Variants in TBC1D31 observed in about 807,000 individuals in gnomAD.
TBC1D31 encodes TBC1 domain family member 31.
In TBC1D31, 99 loss-of-function variants were observed where a neutral mutation model predicts 132.9. That is an observed-to-expected ratio of 0.74 (90% CI 0.63 to 0.88). TBC1D31 has a LOEUF of 0.88. Among genes scored for constraint, TBC1D31 ranks in the 40% least tolerant of loss-of-function variants. The pLI, the probability that TBC1D31 is intolerant of heterozygous loss-of-function variation, is 0.00. For missense variants in TBC1D31, 1,134 were observed against 1,256.6 expected (o/e 0.90, Z 1.48); for synonymous variants, 385 against 419.4 (o/e 0.92, Z 1.00).
At chr8:123,145,337 T>C (rs1426180713) in intron 20 of TBC1D31, among the ~76,000 whole-genome samples, 1 of 152,196 alleles carries the variant, frequency 6.6e-6, no homozygotes, top group African/African-American at 2.4e-5. Context: ...GAGGTGGGAC[T>C]ATTACAGAAA....
At chr8:123,161,656 C>T in the TBC1D31 span, among the ~76,000 whole-genome samples, 2 of 152,064 alleles carry the variant, frequency 1.3e-5, no homozygotes, top group Non-Finnish European at 2.9e-5. Flanking sequence ...TTGCAAAAGA[C>T]GTAATTACCA....
intron 8 of TBC1D31, among the ~76,000 whole-genome samples, 169 bp from the exon 9 acceptor site, chr8:123,109,148 T>C (rs912921614): frequency 1.3e-5 from 2 of 152,156 alleles, no homozygotes; most frequent in Admixed American, 6.5e-5. Flanking sequence ...TGTATATGCA[T>C]GCTCAAGAGA....
intron 4 of TBC1D31, among the ~76,000 whole-genome samples, chr8:123,091,856 A>G (rs1212570431): frequency 6.6e-6 from 1 of 152,218 alleles, no homozygotes; most frequent in African/African-American, 2.4e-5. Flanking sequence ...AAGTGATGAC[A>G]TTTTCAACTT....
At chr8:123,158,840 G>A in the TBC1D31 span, among the ~76,000 whole-genome samples, 3 of 152,092 alleles carry the variant, frequency 2.0e-5, no homozygotes, top group Admixed American at 6.5e-5. Flanking sequence ...TGGCCGAGGG[G>A]CGAGGAAGGA....
chr8:123,137,744 G>A (rs1821239999), intron 17 of TBC1D31, among the ~76,000 whole-genome samples: 2 of 152,174 alleles, frequency 1.3e-5, no homozygotes, highest in South Asian at 4.1e-4. Context: ...CCATCATTTA[G>A]CAGAAACCAG....
chr8:123,157,932 A>G, the TBC1D31 span, among the ~76,000 whole-genome samples: 1 of 151,844 alleles, frequency 6.6e-6, no homozygotes, highest in Non-Finnish European at 1.5e-5. Flanking sequence ...TTCTGACTGC[A>G]AGACTGCAGG....
chr8:123,136,331 T>G (rs1270654662), intron 17 of TBC1D31, among the ~76,000 whole-genome samples: 1 of 152,228 alleles, frequency 6.6e-6, no homozygotes, highest in Non-Finnish European at 1.5e-5. Context: ...TGATATTTTT[T>G]GAAGCATGTA....
At chr8:123,085,433 TTTTG>T (rs149004610) in intron 4 of TBC1D31, among the ~76,000 whole-genome samples, 2 of 149,330 alleles carry the variant, frequency 1.3e-5, no homozygotes, top group South Asian at 2.1e-4. Context: ...CTCAGCATAA[TTTTG>T]TTTGTTTGTT....
At chr8:123,116,674 A>G (rs1818944776) in intron 10 of TBC1D31, among the ~76,000 whole-genome samples, 1 of 152,148 alleles carries the variant, frequency 6.6e-6, no homozygotes, top group Non-Finnish European at 1.5e-5. Flanking sequence ...GGGAAAATAC[A>G]AGATGAACCT....
rs369621325 is a variant in TBC1D31 at position 123,126,546 on chromosome 8, A to G, written c.1743A>G (p.Glu581=). The stretch of plus-strand genomic sequence containing the variant: ...CTCTTCTTGAAACTGTGTTCTCAGA[A>G]GTGCTGACAAGAGAGGAGTGGCTGA... ...AWPLLETVFS[E]VLTREEWLKL... The change falls in exon 13 of 22, where the codon GAA becomes GAG. Residue 581 remains glutamate, a synonymous_variant. Coordinates refer to ENST00000287380, the MANE Select transcript of TBC1D31 (RefSeq NM_145647.4). The G allele has an allele frequency of 9.9e-5, 159 of 1,613,978 alleles. No individual in the cohort carries two copies. In the Middle Eastern group the frequency reaches 1.2e-3, roughly 12 times the overall value.
At position 123,130,349 on chromosome 8, in the gene TBC1D31, C is replaced by CCTCA; in HGVS notation, c.2406+16_2406+17insCTCA. Reference sequence around the variant, plus strand: ...TGGGAGAAAGGTTTATTATTCTTAACTTAGTTCTCATACATCATCTCCATT... The same window carrying CCTCA: ...TGGGAGAAAGGTTTATTATTCTTAACCTCATTAGTTCTCATACATCATCTCCATT... On this transcript the variant is annotated intron_variant, in intron 16 of 21. Transcript: ENST00000287380. 4.4e-6 allele frequency: 7 copies of CCTCA among 1,600,660 alleles called. No homozygotes were observed. The highest frequency in any genetic ancestry group is 6.0e-6 in the Non-Finnish European group (7 of 1,173,256).
intron 8 of TBC1D31, among the ~76,000 whole-genome samples, chr8:123,106,779 T>A (rs1481381191): frequency 6.6e-6 from 1 of 152,230 alleles, no homozygotes; most frequent in Non-Finnish European, 1.5e-5. Context: ...TTAGGTTTGA[T>A]GATTTATTAG....
At chr8:123,118,289 C>G (rs1282631310) in intron 10 of TBC1D31, among the ~76,000 whole-genome samples, 1 of 152,146 alleles carries the variant, frequency 6.6e-6, no homozygotes, top group Non-Finnish European at 1.5e-5. Flanking sequence ...TTTCTTAGTA[C>G]TGATCATTGT....
At chr8:123,121,133 G>T (rs116800671) in intron 11 of TBC1D31, among the ~76,000 whole-genome samples, 2,083 of 151,436 alleles carry the variant, frequency 0.014, 42 homozygotes, top group African/African-American at 0.048. Flanking sequence ...TTTTTGTATT[G>T]TTTTAGTAGA....
At chr8:123,075,846 G>C (rs1299557337) in intron 1 of TBC1D31, among the ~76,000 whole-genome samples, 1 of 152,092 alleles carries the variant, frequency 6.6e-6, no homozygotes, top group Non-Finnish European at 1.5e-5. Context: ...TTATTTTAAG[G>C]AGTTATTTTG....
rs1822025706 is a variant in TBC1D31 at position 123,144,781 on chromosome 8, A to T, written c.2900A>T (p.Asp967Val). ...GCAAAGAAAGCTTCTGCTCTTTCAG[A>T]TGCGTCTAGAAAGTGGTTTTTAAAG... is the stretch of plus-strand genomic sequence containing the variant. ...RSAKKASALSDASRKWFLKQE... is the reference protein window; with the variant it reads ...RSAKKASALSVASRKWFLKQE... Residue 967 changes from aspartate (D) to valine (V), a missense_variant, in exon 20 of 22, where the codon GAT becomes GTT. Asp to Val is a radical substitution (Grantham distance 152). Coordinates refer to ENST00000287380, the MANE Select transcript of TBC1D31 (RefSeq NM_145647.4). The T allele has an allele frequency of 6.2e-7, 1 of 1,613,800 alleles. No individual in the cohort carries two copies. The highest frequency in any genetic ancestry group is 1.7e-5 in the Admixed American group (1 of 59,950).
At chr8:123,140,965 A>T in intron 18 of TBC1D31, 64 bp downstream of exon 18, 1 of 1,469,748 alleles carries the variant, frequency 6.8e-7, no homozygotes, top group South Asian at 1.2e-5. Flanking sequence ...CCCTCTTAAG[A>T]GAACAAAATC....
In TBC1D31 at chr8:123,151,974, C is replaced by A; in HGVS notation, c.*35C>A. 1 of 1,420,824 alleles carries A rather than the reference C, an allele frequency of 7.0e-7. No homozygotes were observed. 88.0% of individuals were successfully genotyped at this position (1,420,824 alleles called of 1,614,324 possible). A position where few individuals can be genotyped will look rare whatever the true frequency, so the allele number is the denominator to read the frequency against. ...CACCTTGAGACGGTCGAGAGAGAGA[C>A]CTATTTTGCAATCAGTGACATTGAT... On this transcript the variant is annotated 3_prime_UTR_variant, in exon 22 of 22. Transcript: ENST00000287380.
chr8:123,105,494 A>T, intron 8 of TBC1D31, 30 bp downstream of exon 8: 1 of 1,577,414 alleles, frequency 6.3e-7, no homozygotes, highest in East Asian at 2.3e-5. Context: ...AAACTTTGTC[A>T]TGATTCTGCT....
Sources: allele counts gnomAD v4.1 joint callset (sites outside exome capture counted in the v4.1 genomes callset), GRCh38; gene constraint gnomAD v4.1.1; transcripts MANE v1.5; gene names NCBI Gene and HGNC (gene_info 2026-07-23, HGNC 2026-07-21).